The following CDH18 variants were observed in gnomAD, a reference collection of about 807,000 sequenced individuals.
The protein encoded by CDH18 is cadherin-18.
In CDH18, 31 loss-of-function variants were observed where a neutral mutation model predicts 67.9. The observed-to-expected ratio is 0.46, with a 90% CI of 0.34 to 0.62. The LOEUF is 0.62. CDH18 is among the 20% of genes least tolerant of loss of function. The pLI is 0.01. For synonymous variants in CDH18, 362 were observed against 347.2 expected (o/e 1.04, Z -0.48); for missense variants, 890 against 975.5 (o/e 0.91, Z 1.17).
Position 19,483,455 on chromosome 5 carries a change from G to A in CDH18, c.1728C>T (p.Pro576=). 2.5e-6 allele frequency: 4 copies of A among 1,614,142 alleles called. No individual in the cohort carries two copies. The highest frequency in any genetic ancestry group is 3.4e-6 in the Non-Finnish European group (4 of 1,180,020). ...TGAGGGTGCTGCTGCTGCTGAGAGA[G>A]GGGATTCCACCATCAGAGATCATAA... ...LPIMISDGGI[P]SLSSSSTLTI... The change falls in exon 12 of 13, where the codon CCC becomes CCT. Residue 576 remains proline, a synonymous_variant. Transcript: ENST00000382275.
At chr5:20,316,413 T>C (rs1160166958) in intron 1 of CDH18, among the ~76,000 whole-genome samples, 1 of 152,096 alleles carries the variant, frequency 6.6e-6, no homozygotes, top group African/African-American at 2.4e-5. Flanking sequence ...TCTAATATTA[T>C]TGTATTCAGA....
intron 2 of CDH18, among the ~76,000 whole-genome samples, chr5:20,051,843 G>A (rs1247917649): frequency 6.6e-6 from 1 of 151,924 alleles, no homozygotes; most frequent in East Asian, 1.9e-4. Context: ...ATGTAAACAC[G>A]ATATATGTCA....
chr5:19,680,586 T>C (rs905002281), intron 5 of CDH18, among the ~76,000 whole-genome samples: 1 of 151,682 alleles, frequency 6.6e-6, no homozygotes, highest in African/African-American at 2.4e-5. Context: ...ACACAAACCC[T>C]ATTACAAAGA....
intron 1 of CDH18, among the ~76,000 whole-genome samples, chr5:20,443,632 G>A (rs1183750611): frequency 6.6e-6 from 1 of 151,902 alleles, no homozygotes; most frequent in Non-Finnish European, 1.5e-5. Context: ...GTAACTAATA[G>A]CAGAAAATGT....
At chr5:19,539,750 T>G (rs756189155) in intron 9 of CDH18, among the ~76,000 whole-genome samples, 6 of 152,170 alleles carry the variant, frequency 3.9e-5, no homozygotes, top group Admixed American at 1.3e-4. Context: ...TTCATGAGAC[T>G]TATTCACTAT....
chr5:19,910,659 C>A (rs1428541890), intron 2 of CDH18, among the ~76,000 whole-genome samples: 1 of 151,824 alleles, frequency 6.6e-6, no homozygotes, highest in African/African-American at 2.4e-5. Flanking sequence ...AACATCAAAT[C>A]AAAATAAAAA....
At chr5:19,853,540 G>C (rs1783940510) in intron 2 of CDH18, among the ~76,000 whole-genome samples, 1 of 152,088 alleles carries the variant, frequency 6.6e-6, no homozygotes, top group South Asian at 2.1e-4. Context: ...AGTTTTTATT[G>C]TGCCACATGG....
At chr5:20,043,071 T>G (rs1740590104) in intron 2 of CDH18, among the ~76,000 whole-genome samples, 1 of 152,082 alleles carries the variant, frequency 6.6e-6, no homozygotes, top group South Asian at 2.1e-4. Context: ...GGATAATTCT[T>G]TGATGTGGGG....
At chr5:20,279,962 C>T (rs942392420) in intron 1 of CDH18, among the ~76,000 whole-genome samples, 11 of 151,824 alleles carry the variant, frequency 7.2e-5, no homozygotes, top group African/African-American at 2.2e-4. Flanking sequence ...GTATAGTCCA[C>T]GTTAGCACAC....
At chr5:20,044,587 C>A (rs1740750132) in intron 2 of CDH18, among the ~76,000 whole-genome samples, 1 of 152,062 alleles carries the variant, frequency 6.6e-6, no homozygotes, top group African/African-American at 2.4e-5. Context: ...TGCAAAAGAT[C>A]TTCTTTGCAC....
At chr5:20,431,989 C>A (rs1439731659) in intron 1 of CDH18, among the ~76,000 whole-genome samples, 2 of 152,094 alleles carry the variant, frequency 1.3e-5, no homozygotes, top group African/African-American at 4.8e-5. Flanking sequence ...ATTTGCCTCA[C>A]TTTTTGAAAA....
chr5:20,287,695 T>C (rs1043369119), intron 1 of CDH18, among the ~76,000 whole-genome samples: 1 of 151,776 alleles, frequency 6.6e-6, no homozygotes, highest in Non-Finnish European at 1.5e-5. Flanking sequence ...CAATATTCTG[T>C]AAATCCAATT....
chr5:20,330,119 G>T (rs1739026367), intron 1 of CDH18, among the ~76,000 whole-genome samples: 1 of 151,962 alleles, frequency 6.6e-6, no homozygotes, highest in South Asian at 2.1e-4. Flanking sequence ...TACTATCGAA[G>T]AATTTACTTC....
At chr5:20,380,799 C>A (rs561606935) in intron 1 of CDH18, among the ~76,000 whole-genome samples, 1 of 152,124 alleles carries the variant, frequency 6.6e-6, no homozygotes, top group Non-Finnish European at 1.5e-5. Flanking sequence ...GATAATATTT[C>A]AAAAAGGAAC....
At chr5:20,088,902 C>T (rs181132504) in intron 2 of CDH18, among the ~76,000 whole-genome samples, 18 of 152,194 alleles carry the variant, frequency 1.2e-4, no homozygotes, top group Non-Finnish European at 7.4e-5. Context: ...CATTCTCTTT[C>T]AGAACGATGG....
At chr5:20,195,123 T>A (rs887524270) in intron 2 of CDH18, among the ~76,000 whole-genome samples, 1 of 152,096 alleles carries the variant, frequency 6.6e-6, no homozygotes, top group African/African-American at 2.4e-5. Context: ...ACCTCCATCT[T>A]ATTCAAAAAC....
chr5:20,514,038 A>G (rs979148445), intron 1 of CDH18, among the ~76,000 whole-genome samples: 4 of 152,128 alleles, frequency 2.6e-5, no homozygotes, highest in Non-Finnish European at 5.9e-5. Context: ...CGCAAATGTT[A>G]TTATAAAACT....
intron 7 of CDH18, among the ~76,000 whole-genome samples, chr5:19,573,453 T>C (rs1580284198): frequency 6.6e-6 from 1 of 152,152 alleles, no homozygotes; most frequent in South Asian, 2.1e-4. Context: ...TAATTTTTTG[T>C]ATTTTTAGTA....
At chr5:20,372,415 C>T (rs149494094) in intron 1 of CDH18, among the ~76,000 whole-genome samples, 1 of 152,200 alleles carries the variant, frequency 6.6e-6, no homozygotes, top group African/African-American at 2.4e-5. Context: ...AACTTCTCCA[C>T]TGCACTACTT....
Sources: gnomAD v4.1 joint callset for allele counts (sites outside exome capture counted in the v4.1 genomes callset) on GRCh38, gnomAD v4.1.1 for gene constraint, MANE v1.5 for transcripts, NCBI Gene and HGNC (gene_info 2026-07-23, HGNC 2026-07-21) for gene names.